Variants in METTL15 observed in about 807,000 individuals in gnomAD.
The protein encoded by METTL15 is methyltransferase 15, mitochondrial 12S rRNA N4-cytidine.
METTL15 carries 34 observed loss-of-function variants against 38.3 expected under a neutral mutation model. The observed-to-expected ratio is 0.89, with a 90% CI of 0.68 to 1.18. The LOEUF (loss-of-function observed/expected upper bound fraction) is 1.18. METTL15 is among the 50% of genes most tolerant of loss of function. The probability of loss-of-function intolerance (pLI) is 0.00; values close to 1 mark genes in which losing one functional copy is unlikely to be tolerated. For missense variants in METTL15, 438 were observed against 498.4 expected (o/e 0.88, Z 1.15); for synonymous variants, 162 against 170.9 (o/e 0.95, Z 0.41).
At chr11:28,219,699 G>C (rs1184009404) in intron 4 of METTL15, among the ~76,000 whole-genome samples, 1 of 151,996 alleles carries the variant, frequency 6.6e-6, no homozygotes, top group Non-Finnish European at 1.5e-5. Context: ...TGGGCATTTA[G>C]TGCTATAAAT....
intron 5 of METTL15, among the ~76,000 whole-genome samples, chr11:28,375,878 G>A (rs1346406547): frequency 5.3e-4 from 81 of 151,438 alleles, no homozygotes; most frequent in East Asian, 2.7e-3. Flanking sequence ...CTTTGTTCTC[G>A]TTGGTTTCAA....
At chr11:28,279,405 C>T (rs1005617250) in intron 4 of METTL15, among the ~76,000 whole-genome samples, 4 of 152,110 alleles carry the variant, frequency 2.6e-5, no homozygotes, top group Admixed American at 6.5e-5. Context: ...GGTGTAATTA[C>T]TGATATATTT....
intron 3 of METTL15, among the ~76,000 whole-genome samples, chr11:28,193,925 T>A (rs542105276): frequency 1.3e-5 from 2 of 152,226 alleles, no homozygotes; most frequent in African/African-American, 4.8e-5. Context: ...ATTCTTTGTA[T>A]TTTTCTATTA....
chr11:28,438,647 G>A (rs1034551741), intron 6 of METTL15, among the ~76,000 whole-genome samples: 4 of 149,348 alleles, frequency 2.7e-5, no homozygotes, highest in Non-Finnish European at 5.9e-5. Context: ...TATAGATCAC[G>A]CTTTTTTTTT....
At chr11:28,349,541 G>C (rs1850024622) in intron 3 of METTL15, among the ~76,000 whole-genome samples, 2 of 152,156 alleles carry the variant, frequency 1.3e-5, no homozygotes, top group South Asian at 4.1e-4. Context: ...ATCAGGTTTA[G>C]AGCCTTCTAT....
At chr11:28,294,212 A>G (rs1344640620) in intron 5 of METTL15, among the ~76,000 whole-genome samples, 2 of 152,180 alleles carry the variant, frequency 1.3e-5, no homozygotes, top group African/African-American at 4.8e-5. Context: ...AGCTCTTACA[A>G]CAGCTCTGAA....
At chr11:28,225,766 T>A (rs1215300869) in intron 4 of METTL15, among the ~76,000 whole-genome samples, 7 of 151,948 alleles carry the variant, frequency 4.6e-5, no homozygotes. Flanking sequence ...AGATGACTTT[T>A]TGTTTTAGTA....
chr11:28,491,085 A>C (rs1213315316), intron 6 of METTL15, among the ~76,000 whole-genome samples: 1 of 152,126 alleles, frequency 6.6e-6, no homozygotes, highest in Admixed American at 6.6e-5. Context: ...TGGACTTTTT[A>C]ATATATAGGA....
intron 3 of METTL15, among the ~76,000 whole-genome samples, chr11:28,184,557 T>C (rs994814280): frequency 6.6e-6 from 1 of 151,976 alleles, no homozygotes; most frequent in Non-Finnish European, 1.5e-5. Flanking sequence ...AGTTTCCATG[T>C]AGTTGTGCAG....
intron 5 of METTL15, among the ~76,000 whole-genome samples, chr11:28,383,079 T>G (rs978997474): frequency 2.0e-5 from 3 of 152,052 alleles, no homozygotes; most frequent in Non-Finnish European, 1.5e-5. Flanking sequence ...GTAATAAGCA[T>G]AGTACTCGAA....
intron 6 of METTL15, among the ~76,000 whole-genome samples, chr11:28,474,576 G>A (rs541368794): frequency 2.0e-5 from 3 of 152,278 alleles, no homozygotes; most frequent in South Asian, 2.1e-4. Context: ...AAAGTGGATG[G>A]CAGGTTACTA....
At position 28,207,558 on chromosome 11, in the gene METTL15, G is replaced by T. The variant is rs6622805; in HGVS notation, c.271-3504G>T. ...GCATCAGGGTTCATCAAGGATATTG[G>T]TCTAAAATTCTCTTTTTTTGTTGTG... is the stretch of plus-strand genomic sequence containing the variant. On this transcript the variant is annotated intron_variant, in intron 3 of 6. Coordinates refer to ENST00000407364, the MANE Select transcript of METTL15 (RefSeq NM_001113528.2). Among the ~76,000 whole-genome samples the T allele has an allele frequency of 1.8e-4, 28 of 152,216 alleles. No homozygotes were observed. In the South Asian group the frequency reaches 1.9e-3, roughly 10 times the overall value.
chr11:28,353,880 G>C (rs1270845778), intron 4 of METTL15, among the ~76,000 whole-genome samples: 3 of 148,660 alleles, frequency 2.0e-5, no homozygotes, highest in East Asian at 2.0e-4. Flanking sequence ...AGCCGAGATT[G>C]CGCCACTGCA....
chr11:28,129,473 G>T (rs544616053), intron 3 of METTL15, among the ~76,000 whole-genome samples: 1 of 150,996 alleles, frequency 6.6e-6, no homozygotes, highest in Non-Finnish European at 1.5e-5. Context: ...GCAGTGGCAC[G>T]ATCTTGGCTC....
intron 3 of METTL15, among the ~76,000 whole-genome samples, chr11:28,209,461 A>G (rs1263792718): frequency 6.6e-6 from 1 of 152,076 alleles, no homozygotes; most frequent in Admixed American, 6.6e-5. Context: ...AAGTGTTTCT[A>G]TAAATAAAAA....
chr11:28,454,083 A>T (rs1341967538), intron 6 of METTL15, among the ~76,000 whole-genome samples: 1 of 152,222 alleles, frequency 6.6e-6, no homozygotes, highest in Non-Finnish European at 1.5e-5. Context: ...CCTCTGATTG[A>T]TGGACTTGGA....
chr11:28,478,627 C>T (rs1851367440), intron 6 of METTL15, among the ~76,000 whole-genome samples: 1 of 152,172 alleles, frequency 6.6e-6, no homozygotes. Flanking sequence ...CTGGGAACAT[C>T]TCTTGCATTC....
intron 5 of METTL15, among the ~76,000 whole-genome samples, chr11:28,423,362 AAAG>A (rs1564927172): frequency 6.6e-6 from 1 of 152,028 alleles, no homozygotes; most frequent in African/African-American, 2.4e-5. Context: ...CCCCCCAAAA[AAAG>A]AAAATCAATG....
At chr11:28,287,386 C>T in intron 4 of METTL15, 1 of 352,518 alleles carries the variant, frequency 2.8e-6, no homozygotes, top group South Asian at 2.4e-5. Context: ...TTGAGTTGTA[C>T]ATCAAATCTG....
Sources: gnomAD v4.1 joint callset for allele counts (sites outside exome capture counted in the v4.1 genomes callset) on GRCh38, gnomAD v4.1.1 for gene constraint, MANE v1.5 for transcripts, NCBI Gene and HGNC (gene_info 2026-07-23, HGNC 2026-07-21) for gene names.